CCDC102B: variants seen among roughly 807,000 people sequenced by gnomAD.
CCDC102B encodes the protein coiled-coil domain containing 102B.
CCDC102B carries 75 observed loss-of-function variants against 57.4 expected under a neutral mutation model. That is an observed-to-expected ratio of 1.31 (90% CI 1.08 to 1.58). CCDC102B has a LOEUF of 1.58. Among genes scored for constraint, CCDC102B ranks in the 40% most tolerant of loss-of-function variants. CCDC102B has a pLI of 0.00. For synonymous variants in CCDC102B, 206 were observed against 201.9 expected (o/e 1.02, Z -0.17); for missense variants, 636 against 582.6 (o/e 1.09, Z -0.94).
At chr18:68,899,871 A>G (rs2040378892) in intron 6 of CCDC102B, 1 of 152,184 alleles carries the variant, frequency 6.6e-6, no homozygotes, top group Admixed American at 6.5e-5. Flanking sequence ...ACTATTAATC[A>G]AAAGACAAAT....
chr18:68,792,010 G>A (rs555013598), intron 2 of CCDC102B, among the ~76,000 whole-genome samples: 1 of 152,270 alleles, frequency 6.6e-6, no homozygotes, highest in Non-Finnish European at 1.5e-5. Context: ...GCACAGGACA[G>A]CCTCACATAA....
At chr18:68,724,476 T>C (rs1241025527) in intron 2 of CCDC102B, among the ~76,000 whole-genome samples, 1 of 152,194 alleles carries the variant, frequency 6.6e-6, no homozygotes, top group Non-Finnish European at 1.5e-5. Context: ...AGAAATTTCT[T>C]CCACCAGATA....
At chr18:69,011,641 G>A (rs750612865) in intron 7 of CCDC102B, among the ~76,000 whole-genome samples, 4 of 151,280 alleles carry the variant, frequency 2.6e-5, no homozygotes, top group African/African-American at 9.7e-5. Flanking sequence ...AACTGTGGGG[G>A]TGATTTCAGC....
intron 7 of CCDC102B, among the ~76,000 whole-genome samples, chr18:69,011,705 G>T (rs1248874547): frequency 2.0e-5 from 3 of 151,720 alleles, no homozygotes; most frequent in African/African-American, 7.3e-5. Context: ...AAGAAACACA[G>T]TCTTAAATGT....
rs146984973 is a variant in CCDC102B at position 68,910,778 on chromosome 18, C to T, written c.1263+13350C>T. ...TTGTTTTCAGTGCTGTGTTTGACTT[C>T]CTCTGAAATCTTTCTTCTTTAGGCA... On this transcript the variant is annotated intron_variant, in intron 6 of 7. Coordinates refer to ENST00000360242, the MANE Select transcript of CCDC102B (RefSeq NM_024781.3). Among the ~76,000 whole-genome samples the T allele has an allele frequency of 2.0e-5, 3 of 152,268 alleles. No individual in the cohort carries two copies. The East Asian group carries it at 5.8e-4, about 29-fold the overall frequency.
At chr18:68,733,261 T>A (rs947045133) in intron 2 of CCDC102B, among the ~76,000 whole-genome samples, 1 of 152,008 alleles carries the variant, frequency 6.6e-6, no homozygotes, top group African/African-American at 2.4e-5. Flanking sequence ...AATTAAAAAC[T>A]ACTGTTGTTT....
In CCDC102B at chr18:69,054,821, A is replaced by C. The variant is rs2052788436; in HGVS notation, c.*684A>C. The C allele has an allele frequency of 2.0e-6, 2 of 985,344 alleles. No homozygotes were observed. Among genetic ancestry groups the C allele is most frequent in the Non-Finnish European group, 2.4e-6 (2 of 829,918 alleles). 61.0% of individuals were successfully genotyped at this position (985,344 alleles called of 1,614,324 possible). A position where few individuals can be genotyped will look rare whatever the true frequency, so the allele number is the denominator to read the frequency against. On this transcript the variant is annotated 3_prime_UTR_variant, in exon 8 of 8. Transcript: ENST00000360242. ...GGATAGACATTTCTACAGTAAAATC[A>C]TGGAAAGGCATCAGCATTGCAAAGT...
intron 2 of CCDC102B, among the ~76,000 whole-genome samples, chr18:68,779,297 A>C (rs541576709): frequency 7.4e-4 from 112 of 152,278 alleles, no homozygotes; most frequent in African/African-American, 2.4e-3. Context: ...AAGTAGGCCA[A>C]CAGGAAACCT....
At chr18:68,953,559 C>A (rs900718593) in intron 6 of CCDC102B, among the ~76,000 whole-genome samples, 10 of 143,102 alleles carry the variant, frequency 7.0e-5, no homozygotes, top group Non-Finnish European at 1.4e-4. Context: ...GTTTTTTTTT[C>A]ATTAAGTTGT....
rs552271954 is a variant in CCDC102B at position 68,969,278 on chromosome 18, G to T, written c.1264-41656G>T. Reference sequence around the variant, plus strand: ...CCAGGCATCAGAGGGGCCCTCGCCTGTGCTGCCAGGGCTCCCGCTAGGCTT... The same window carrying T: ...CCAGGCATCAGAGGGGCCCTCGCCTTTGCTGCCAGGGCTCCCGCTAGGCTT... On this transcript the variant is annotated intron_variant, in intron 6 of 7. Coordinates refer to ENST00000360242, the MANE Select transcript of CCDC102B (RefSeq NM_024781.3). Among the ~76,000 whole-genome samples, 714 of 152,254 alleles carry T rather than the reference G, an allele frequency of 4.7e-3. 6 individuals are homozygous for T. Among genetic ancestry groups the T allele is most frequent in the Non-Finnish European group, 7.9e-3 (539 of 68,026 alleles).
chr18:69,036,832 A>G (rs1392831914), intron 7 of CCDC102B, among the ~76,000 whole-genome samples: 1 of 152,110 alleles, frequency 6.6e-6, no homozygotes, highest in Non-Finnish European at 1.5e-5. Context: ...GACTAAATGC[A>G]TGAAAGACGA....
At chr18:69,032,443 AAAT>A (rs1206336424) in intron 7 of CCDC102B, among the ~76,000 whole-genome samples, 1 of 152,210 alleles carries the variant, frequency 6.6e-6, no homozygotes, top group African/African-American at 2.4e-5. Flanking sequence ...TTCTCTGTAC[AAAT>A]AATGAGCATA....
chr18:68,858,826 A>T (rs910907029), intron 4 of CCDC102B: 1 of 152,166 alleles, frequency 6.6e-6, no homozygotes, highest in Admixed American at 6.6e-5. Context: ...TGGAATAAAT[A>T]TTTCTGGGAT....
intron 1 of CCDC102B, among the ~76,000 whole-genome samples, chr18:68,814,175 C>A (rs2144720332): frequency 6.6e-6 from 1 of 152,240 alleles, no homozygotes; most frequent in East Asian, 1.9e-4. Flanking sequence ...TGAGTATTTT[C>A]TTTACTCCAA....
At chr18:68,955,837 C>T (rs1484683826) in intron 6 of CCDC102B, among the ~76,000 whole-genome samples, 1 of 151,828 alleles carries the variant, frequency 6.6e-6, no homozygotes, top group South Asian at 2.1e-4. Flanking sequence ...TTGATACAGG[C>T]TAAATGTGTA....
At chr18:68,968,077 A>C (rs1401264086) in intron 6 of CCDC102B, among the ~76,000 whole-genome samples, 1 of 152,162 alleles carries the variant, frequency 6.6e-6, no homozygotes, top group Non-Finnish European at 1.5e-5. Context: ...TAATTCCAAT[A>C]ATAATACAGT....
intron 6 of CCDC102B, among the ~76,000 whole-genome samples, chr18:68,965,604 G>A (rs1425996110): frequency 1.3e-5 from 2 of 150,612 alleles, no homozygotes; most frequent in African/African-American, 4.9e-5. Flanking sequence ...AGAACTGAAA[G>A]TATAAAAAAT....
chr18:68,969,178 G>T (rs2145253702), intron 6 of CCDC102B, among the ~76,000 whole-genome samples: 1 of 152,160 alleles, frequency 6.6e-6, no homozygotes, highest in East Asian at 1.9e-4. Flanking sequence ...TAATGAACTG[G>T]GACAACCCAG....
chr18:68,995,343 A>G (rs1306907789), intron 6 of CCDC102B, among the ~76,000 whole-genome samples: 1 of 152,144 alleles, frequency 6.6e-6, no homozygotes, highest in Non-Finnish European at 1.5e-5. Context: ...TGCCAAAACA[A>G]TGGGGAGAAT....
Sources: allele counts gnomAD v4.1 joint callset (sites outside exome capture counted in the v4.1 genomes callset), GRCh38; gene constraint gnomAD v4.1.1; transcripts MANE v1.5; gene names NCBI Gene and HGNC (gene_info 2026-07-23, HGNC 2026-07-21).